The following MITF variants were observed in gnomAD, a reference collection of about 807,000 sequenced individuals.
The protein encoded by MITF is melanocyte inducing transcription factor, also known as microphthalmia-associated transcription factor.
MITF carries 17 observed loss-of-function variants against 60.5 expected under a neutral mutation model. That is an observed-to-expected ratio of 0.28 (90% confidence interval 0.19 to 0.42). The LOEUF is 0.42. Among genes scored for constraint, MITF ranks in the 10% least tolerant of loss-of-function variants. The pLI, the probability that MITF is intolerant of heterozygous loss-of-function variation, is 1.00. For missense variants in MITF, 622 were observed against 683.5 expected (o/e 0.91, Z 1.00); for synonymous variants, 260 against 248.5 (o/e 1.05, Z -0.43).
intron 1 of MITF, among the ~76,000 whole-genome samples, chr3:69,771,926 A>G (rs1435127095): frequency 3.9e-5 from 6 of 152,190 alleles, no homozygotes; most frequent in Non-Finnish European, 5.9e-5. Flanking sequence ...TTTTCCATTT[A>G]TGTGTGTGTT....
chr3:69,909,431 G>A (rs1303340729), intron 2 of MITF, among the ~76,000 whole-genome samples: 8 of 152,146 alleles, frequency 5.3e-5, no homozygotes, highest in South Asian at 2.1e-4. Flanking sequence ...TTGCTGAAAC[G>A]ATACCCAAAA....
At chr3:69,936,535 C>T in intron 2 of MITF, 1 of 1,293,038 alleles carries the variant, frequency 7.7e-7, no homozygotes, top group Non-Finnish European at 1.0e-6. Context: ...TTTTTTTTTA[C>T]ATGCATAACT....
intron 1 of MITF, among the ~76,000 whole-genome samples, chr3:69,759,806 C>G (rs1334890496): frequency 6.6e-6 from 1 of 152,010 alleles, no homozygotes; most frequent in East Asian, 1.9e-4. Flanking sequence ...GAGACAAAGT[C>G]TCGCTCTGTC....
chr3:69,856,036 A>T (rs1208495644), intron 1 of MITF, among the ~76,000 whole-genome samples: 1 of 152,058 alleles, frequency 6.6e-6, no homozygotes, highest in Non-Finnish European at 1.5e-5. Context: ...TTAGTGAGAG[A>T]TTGGGGCTGG....
chr3:69,910,217 G>A (rs1301164222), intron 2 of MITF, among the ~76,000 whole-genome samples: 2 of 152,260 alleles, frequency 1.3e-5, no homozygotes, highest in Non-Finnish European at 1.5e-5. Context: ...TCCATGTGGT[G>A]TTGAGCCTGC....
In MITF at chr3:69,872,054, T is replaced by C. The variant is rs115998142; in HGVS notation, c.105-7080T>C. Among the ~76,000 whole-genome samples, 451 of 152,270 alleles carry C rather than the reference T, an allele frequency of 3.0e-3. 2 individuals are homozygous for C. Among genetic ancestry groups the C allele is most frequent in the Non-Finnish European group, 4.5e-3 (307 of 68,010 alleles). On this transcript the variant is annotated intron_variant, in intron 1 of 9. Transcript: ENST00000352241. The stretch of plus-strand genomic sequence containing the variant: ...CAGTCTAGTGAAAGGAAGCTTGATA[T>C]GAAAAACAGAAAACTTGAGTGTGGG...
At chr3:69,947,987 T>G (rs1301939047) in intron 5 of MITF, among the ~76,000 whole-genome samples, 2 of 152,208 alleles carry the variant, frequency 1.3e-5, no homozygotes, top group Admixed American at 1.3e-4. Context: ...TCTCAGTCAC[T>G]AAACACTTTA....
Position 69,758,089 on chromosome 3 carries a change from AAT to A in MITF, c.104+18402_104+18403del, listed in dbSNP as rs765654648. Among the ~76,000 whole-genome samples, 772 of 130,758 alleles carry A rather than the reference AAT, an allele frequency of 5.9e-3. 7 individuals carry two copies. The highest frequency in any genetic ancestry group is 0.019 in the African/African-American group (666 of 34,174). The allele number at this position is 130,758 out of a possible 152,430, so 85.8% of individuals were successfully genotyped here. ...CCACCACTCATAAAGTATATATATA[AAT>A]ATATATATATATAAATATATCATAT... On this transcript the variant is annotated intron_variant, in intron 1 of 9. Transcript: ENST00000352241.
chr3:69,862,560 G>C (rs1003289721), intron 1 of MITF, among the ~76,000 whole-genome samples: 1 of 152,200 alleles, frequency 6.6e-6, no homozygotes, highest in Non-Finnish European at 1.5e-5. Context: ...TTTGAGCTAT[G>C]ATAAAACAGT....
chr3:69,796,821 G>T (rs1480405165), intron 1 of MITF, among the ~76,000 whole-genome samples: 5 of 152,160 alleles, frequency 3.3e-5, no homozygotes, highest in African/African-American at 9.7e-5. Flanking sequence ...GGGACAGAGT[G>T]ATTTGTTAGG....
intron 2 of MITF, among the ~76,000 whole-genome samples, chr3:69,888,879 C>G (rs2064687924): frequency 6.6e-6 from 1 of 151,660 alleles, no homozygotes; most frequent in Non-Finnish European, 1.5e-5. Flanking sequence ...AAAAGGGGAA[C>G]AAATTTAAAA....
At chr3:69,756,651 G>A (rs532438605) in intron 1 of MITF, among the ~76,000 whole-genome samples, 326 of 152,294 alleles carry the variant, frequency 2.1e-3, no homozygotes, top group Admixed American at 5.1e-3. Flanking sequence ...TATATACCCA[G>A]TAATGGGATT....
chr3:69,789,248 G>A (rs915066273), intron 1 of MITF, among the ~76,000 whole-genome samples: 56 of 152,148 alleles, frequency 3.7e-4, no homozygotes, highest in African/African-American at 1.2e-3. Flanking sequence ...TCTAATAATT[G>A]GTTAATATCC....
intron 1 of MITF, among the ~76,000 whole-genome samples, chr3:69,821,650 G>A (rs1473204501): frequency 7.7e-6 from 1 of 129,618 alleles, no homozygotes; most frequent in Non-Finnish European, 1.6e-5. Flanking sequence ...GCTAATATTA[G>A]GATCCTAAAG....
At chr3:69,863,081 A>G (rs542008536) in intron 1 of MITF, among the ~76,000 whole-genome samples, 1 of 152,274 alleles carries the variant, frequency 6.6e-6, no homozygotes, top group South Asian at 2.1e-4. Flanking sequence ...TGCCCAAGAC[A>G]GTTGCTTACA....
intron 1 of MITF, among the ~76,000 whole-genome samples, chr3:69,824,289 T>C (rs1280458597): frequency 6.6e-6 from 1 of 152,218 alleles, no homozygotes; most frequent in Non-Finnish European, 1.5e-5. Flanking sequence ...GTTTTCCCTC[T>C]AAATCAGTTT....
chr3:69,772,026 T>C (rs2062402614), intron 1 of MITF, among the ~76,000 whole-genome samples: 1 of 152,226 alleles, frequency 6.6e-6, no homozygotes, highest in Non-Finnish European at 1.5e-5. Context: ...TTGATGTATG[T>C]CTTTTAAGTT....
intron 1 of MITF, among the ~76,000 whole-genome samples, chr3:69,752,969 T>C (rs1306552971): frequency 6.6e-6 from 1 of 152,106 alleles, no homozygotes; most frequent in Non-Finnish European, 1.5e-5. Flanking sequence ...AGAAATTTGC[T>C]TAAGTAAAAA....
intron 1 of MITF, among the ~76,000 whole-genome samples, chr3:69,817,622 A>G (rs1195914607): frequency 2.6e-5 from 4 of 152,170 alleles, no homozygotes; most frequent in African/African-American, 9.6e-5. Flanking sequence ...GCAAGAATTC[A>G]AAATAGTCTT....
Sources: allele counts gnomAD v4.1 joint callset (sites outside exome capture counted in the v4.1 genomes callset), GRCh38; gene constraint gnomAD v4.1.1; transcripts MANE v1.5; gene names NCBI Gene and HGNC (gene_info 2026-07-23, HGNC 2026-07-21).